DRC4: variants seen among roughly 807,000 people sequenced by gnomAD.
The protein encoded by DRC4 is GAS-11.
chr16:90,036,437 C>G, the DRC4 span: 4 of 1,612,894 alleles, frequency 2.5e-6, no homozygotes, highest in Non-Finnish European at 3.4e-6. Context: ...ACTCGACTTG[C>G]GGAGAAAGAC....
the DRC4 span, chr16:90,027,892 C>G: frequency 8.2e-6 from 5 of 612,870 alleles, no homozygotes; most frequent in Non-Finnish European, 1.5e-5. Context: ...TTCGGCTGCA[C>G]CATGTCTTTT....
the DRC4 span, chr16:90,022,245 C>T: frequency 3.4e-4 from 53 of 157,292 alleles, no homozygotes; most frequent in Non-Finnish European, 6.6e-4. Context: ...TGGGAGGGCC[C>T]TTCAAAGGTG....
At chr16:90,044,602 G>A in the DRC4 span, 4 of 471,090 alleles carry the variant, frequency 8.5e-6, no homozygotes, top group African/African-American at 8.0e-5. Context: ...GTCCAGGACA[G>A]TGACCATCTG....
At chr16:90,031,177 T>G in the DRC4 span, 2 of 1,529,886 alleles carry the variant, frequency 1.3e-6, no homozygotes, top group Non-Finnish European at 1.8e-6. Flanking sequence ...TACATTTAGC[T>G]GTTTATTTTT....
the DRC4 span, among the ~76,000 whole-genome samples, chr16:90,026,261 C>T: frequency 6.6e-6 from 1 of 152,152 alleles, no homozygotes; most frequent in South Asian, 2.1e-4. Context: ...AGAACTGCTC[C>T]TGGTGTCATG....
chr16:90,037,083 T>G, the DRC4 span: 3 of 698,900 alleles, frequency 4.3e-6, no homozygotes, highest in African/African-American at 5.4e-5. Flanking sequence ...GAAATACTGT[T>G]TATACATAGA....
At chr16:90,040,090 T>G in the DRC4 span, 1 of 603,618 alleles carries the variant, frequency 1.7e-6, no homozygotes, top group African/African-American at 1.8e-5. Flanking sequence ...TATGCTGATG[T>G]GTTCCTCCTG....
At chr16:90,024,910 A>G in the DRC4 span, among the ~76,000 whole-genome samples, 1 of 152,194 alleles carries the variant, frequency 6.6e-6, no homozygotes, top group Non-Finnish European at 1.5e-5. Context: ...GGTTGTGGGA[A>G]TATGGGCCTT....
At chr16:90,031,848 G>C in the DRC4 span, among the ~76,000 whole-genome samples, 8 of 152,166 alleles carry the variant, frequency 5.3e-5, no homozygotes, top group African/African-American at 1.9e-4. Context: ...ATGTGTAGCT[G>C]TGTAAAGGTG....
chr16:90,029,322 C>G, the DRC4 span: 3 of 1,363,160 alleles, frequency 2.2e-6, 1 homozygote, highest in Non-Finnish European at 2.9e-6. Flanking sequence ...ACTCCTGCCC[C>G]GCAGCAGAGG....
the DRC4 span, chr16:90,022,595 C>G: frequency 9.0e-7 from 1 of 1,114,004 alleles, no homozygotes; most frequent in Non-Finnish European, 1.2e-6. Context: ...GGGCCGCTGC[C>G]CGGCGGAGTC....
the DRC4 span, among the ~76,000 whole-genome samples, chr16:90,034,892 C>CTTTTTTT: frequency 2.0e-4 from 11 of 53,868 alleles, 1 homozygote; most frequent in Non-Finnish European, 2.9e-4. Context: ...CCCACCTAAT[C>CTTTTTTT]TTTTTTTTTT....
At chr16:90,036,951 C>A in the DRC4 span, 1 of 556,572 alleles carries the variant, frequency 1.8e-6, no homozygotes, top group South Asian at 2.0e-5. Flanking sequence ...TCACTGCATG[C>A]TGGCAGTGAC....
At chr16:90,029,243 G>A in the DRC4 span, 68 of 1,210,344 alleles carry the variant, frequency 5.6e-5, no homozygotes, top group Admixed American at 7.8e-4. Flanking sequence ...CACATCGCAC[G>A]TTGAGCCACA....
the DRC4 span, among the ~76,000 whole-genome samples, chr16:90,021,370 C>T: frequency 1.3e-5 from 2 of 152,152 alleles, no homozygotes; most frequent in Non-Finnish European, 2.9e-5. Context: ...ATTCTGTACT[C>T]TTCATCCCCA....
chr16:90,040,746 G>A, the DRC4 span, among the ~76,000 whole-genome samples: 1 of 151,548 alleles, frequency 6.6e-6, no homozygotes, highest in Non-Finnish European at 1.5e-5. Context: ...GCTGGAGGGG[G>A]CTGGTTGGGG....
At chr16:90,020,758 C>A in the DRC4 span, 2 of 152,182 alleles carry the variant, frequency 1.3e-5, no homozygotes, top group African/African-American at 2.4e-5. Context: ...AAATGAGTAC[C>A]CTGTCTAGGC....
chr16:90,027,824 C>T, the DRC4 span: 1 of 1,108,930 alleles, frequency 9.0e-7, no homozygotes. Flanking sequence ...ATCCACCCTT[C>T]TGTCCAAGCC....
At chr16:90,031,408 G>T in the DRC4 span, 2 of 1,613,558 alleles carry the variant, frequency 1.2e-6, no homozygotes, top group Non-Finnish European at 1.7e-6. Flanking sequence ...GAGATCACAC[G>T]GAGGCAGCTG....
Sources: allele counts gnomAD v4.1 joint callset (sites outside exome capture counted in the v4.1 genomes callset), GRCh38; gene constraint gnomAD v4.1.1; transcripts MANE v1.5; gene names NCBI Gene and HGNC (gene_info 2026-07-23, HGNC 2026-07-21).